ZCWPW2: variants seen among roughly 807,000 people sequenced by gnomAD.
ZCWPW2 encodes the protein zinc finger CW-type and PWWP domain containing 2.
In ZCWPW2, 45 loss-of-function variants were observed where a neutral mutation model predicts 46.6. The ratio of observed to expected loss-of-function variants is 0.96; its 90% CI spans 0.76 to 1.24. The LOEUF (loss-of-function observed/expected upper bound fraction) is 1.24. ZCWPW2 is among the 50% of genes most tolerant of loss of function. The pLI is 0.00. For missense variants in ZCWPW2, 429 were observed against 403.9 expected (o/e 1.06, Z -0.53); for synonymous variants, 152 against 137.1 (o/e 1.11, Z -0.76).
chr3:28,512,180 T>A (rs530561661), intron 6 of ZCWPW2, among the ~76,000 whole-genome samples: 15 of 152,080 alleles, frequency 9.9e-5, no homozygotes, highest in Admixed American at 7.2e-4. Context: ...AAATTCTTTT[T>A]TTTTTTTTCT....
Position 28,413,109 on chromosome 3 carries a change from A to AC in ZCWPW2, c.42dup (p.Tyr15LeufsTer20). 6.2e-7 allele frequency: 1 copy of AC among 1,612,616 alleles called. No individual in the cohort carries two copies. Among genetic ancestry groups the AC allele is most frequent in the Non-Finnish European group, 8.5e-7 (1 of 1,179,202 alleles). Reference sequence around the variant, plus strand: ...TTGGATGTTAAGATTGAATATTGTAACTATGCAATGGATTCCTCAGTGGAA... The same window carrying AC: ...TTGGATGTTAAGATTGAATATTGTAACCTATGCAATGGATTCCTCAGTGGAA... On this transcript the variant is annotated frameshift_variant, in exon 3 of 10. Transcript: ENST00000383768. LOFTEE classifies it high-confidence loss of function.
chr3:28,426,442 T>A (rs1697015313), intron 3 of ZCWPW2, among the ~76,000 whole-genome samples: 1 of 152,068 alleles, frequency 6.6e-6, no homozygotes, highest in South Asian at 2.1e-4. Context: ...GAAAATTAAT[T>A]TATAGAAAAT....
chr3:28,520,557 T>C (rs1700696071), intron 8 of ZCWPW2, among the ~76,000 whole-genome samples: 1 of 152,226 alleles, frequency 6.6e-6, no homozygotes, highest in Non-Finnish European at 1.5e-5. Context: ...TACATGTCAA[T>C]GGTTTGTGCT....
chr3:28,434,642 G>A (rs1010711885), intron 3 of ZCWPW2, among the ~76,000 whole-genome samples: 1 of 152,162 alleles, frequency 6.6e-6, no homozygotes, highest in African/African-American at 2.4e-5. Context: ...CAAAGCCTGA[G>A]CTATCAGGAT....
intron 1 of ZCWPW2, among the ~76,000 whole-genome samples, chr3:28,349,723 A>G (rs958520623): frequency 1.3e-5 from 2 of 152,150 alleles, no homozygotes; most frequent in Admixed American, 1.3e-4. Flanking sequence ...TATTGGTTAA[A>G]TAAACAAATA....
chr3:28,421,742 T>TC (rs1491352653), intron 3 of ZCWPW2, among the ~76,000 whole-genome samples: 1 of 151,704 alleles, frequency 6.6e-6, no homozygotes, highest in Admixed American at 6.6e-5. Flanking sequence ...GTTTTTTTTT[T>TC]CATATATAAC....
At position 28,454,136 on chromosome 3, in the gene ZCWPW2, G is replaced by A. The variant is rs549654074; in HGVS notation, c.492+18867G>A. Among the ~76,000 whole-genome samples, 436 of 152,176 alleles carry A rather than the reference G, an allele frequency of 2.9e-3. 2 individuals are homozygous for A. The highest frequency in any genetic ancestry group is 4.1e-3 in the Admixed American group (63 of 15,288). On this transcript the variant is annotated intron_variant, in intron 4 of 9. Transcript: ENST00000383768. ...TGGGATTACAGGCGTGAGCCACCGC[G>A]CCCGGCCAATTGTGTATATTTATAA...
At chr3:28,375,067 T>C (rs1329541031) in intron 1 of ZCWPW2, among the ~76,000 whole-genome samples, 1 of 152,102 alleles carries the variant, frequency 6.6e-6, no homozygotes, top group East Asian at 1.9e-4. Context: ...ATTCACGCCT[T>C]TATCATTATA....
rs552039638 is a variant in ZCWPW2 at position 28,362,044 on chromosome 3, A to G, written c.-134+12841A>G. ...AAGGTATTTATCCAAAAGAATTAAA[A>G]AGAAGATCTGGAAGAGATATCTATA... On this transcript the variant is annotated intron_variant, in intron 1 of 9. Coordinates refer to ENST00000383768, the MANE Select transcript of ZCWPW2 (RefSeq NM_001040432.4). 2.6e-5 allele frequency among the ~76,000 whole-genome samples: 4 copies of G among 152,268 alleles called. 1 individual carries two copies. Among genetic ancestry groups the G allele is most frequent in the African/African-American group, 9.6e-5 (4 of 41,562 alleles).
chr3:28,349,080 G>C lies in ZCWPW2; in HGVS notation c.-257G>C, dbSNP rs898320295. 2.0e-6 allele frequency: 2 copies of C among 985,616 alleles called. No homozygotes were observed. Among genetic ancestry groups the C allele is most frequent in the East Asian group, 1.1e-4 (1 of 8,806 alleles). The allele number at this position is 985,616 out of a possible 1,614,324, so 61.1% of individuals were successfully genotyped here. On this transcript the variant is annotated 5_prime_UTR_variant, in exon 1 of 10. Coordinates refer to ENST00000383768, the MANE Select transcript of ZCWPW2 (RefSeq NM_001040432.4). ...AGCTGGGAGGGCGTTAGCGAAGCCA[G>C]GTTCGGTCGTGGGGGTGGGGAAGTG... is the stretch of plus-strand genomic sequence containing the variant.
At chr3:28,351,794 T>C (rs549948355) in intron 1 of ZCWPW2, among the ~76,000 whole-genome samples, 1 of 148,934 alleles carries the variant, frequency 6.7e-6, no homozygotes, top group African/African-American at 2.6e-5. Context: ...GGCTCTTGAT[T>C]GTCAGAGGAA....
At chr3:28,489,660 A>C in intron 5 of ZCWPW2, among the ~76,000 whole-genome samples, 1 of 63,328 alleles carries the variant, frequency 1.6e-5, no homozygotes, top group African/African-American at 5.5e-5. Context: ...TTTCACACAC[A>C]CACGCGCGCA....
intron 5 of ZCWPW2, among the ~76,000 whole-genome samples, chr3:28,489,473 G>A (rs960106905): frequency 2.0e-5 from 3 of 151,790 alleles, no homozygotes; most frequent in South Asian, 4.2e-4. Flanking sequence ...GAAACACGCT[G>A]ATATTTTATT....
chr3:28,435,223 C>A lies in ZCWPW2; in HGVS notation c.446C>A (p.Ser149Ter). The A allele has an allele frequency of 6.2e-7, 1 of 1,613,282 alleles. No individual in the cohort carries two copies. Among genetic ancestry groups the A allele is most frequent in the Non-Finnish European group, 8.5e-7 (1 of 1,179,890 alleles). ...IEFLGDPHSR[S>*]WIKATFVGHY... Reference sequence around the variant, plus strand: ...TTCCTGGGCGATCCCCATTCAAGATCATGGATAAAGGCAACATTCGTTGGA... The same window carrying A: ...TTCCTGGGCGATCCCCATTCAAGATAATGGATAAAGGCAACATTCGTTGGA... Residue 149 changes from serine to a stop codon, truncating the protein, a stop_gained, in exon 4 of 10, where the codon TCA (serine) becomes TAA (stop). Coordinates refer to ENST00000383768, the MANE Select transcript of ZCWPW2 (RefSeq NM_001040432.4). LOFTEE classifies it high-confidence loss of function.
chr3:28,420,108 T>A (rs1365930000), intron 3 of ZCWPW2, among the ~76,000 whole-genome samples: 1 of 152,144 alleles, frequency 6.6e-6, no homozygotes, highest in African/African-American at 2.4e-5. Context: ...ATCATTGATT[T>A]TTTGAAGGGG....
intron 3 of ZCWPW2, among the ~76,000 whole-genome samples, chr3:28,430,121 C>T (rs1351019842): frequency 4.6e-5 from 7 of 152,200 alleles, no homozygotes. Context: ...ACAGCTTGCA[C>T]CGTGCAACTG....
intron 1 of ZCWPW2, among the ~76,000 whole-genome samples, chr3:28,382,318 A>G (rs1695136755): frequency 6.6e-6 from 1 of 152,078 alleles, no homozygotes; most frequent in Non-Finnish European, 1.5e-5. Context: ...TGGCTTGTAG[A>G]TGGCCATCTT....
intron 5 of ZCWPW2, among the ~76,000 whole-genome samples, chr3:28,488,811 C>G (rs939298889): frequency 4.6e-5 from 7 of 152,104 alleles, no homozygotes; most frequent in African/African-American, 1.7e-4. Flanking sequence ...ATGAGAGTCC[C>G]TACATGCAGA....
chr3:28,422,544 T>G (rs1696835830), intron 3 of ZCWPW2, among the ~76,000 whole-genome samples: 1 of 152,228 alleles, frequency 6.6e-6, no homozygotes, highest in South Asian at 2.1e-4. Context: ...TTTTATGGCT[T>G]GATTACTCAG....
Sources: gnomAD v4.1 joint callset for allele counts (sites outside exome capture counted in the v4.1 genomes callset) on GRCh38, gnomAD v4.1.1 for gene constraint, MANE v1.5 for transcripts, NCBI Gene and HGNC (gene_info 2026-07-23, HGNC 2026-07-21) for gene names.